The following CNTN5 variants were observed in gnomAD, a reference collection of about 807,000 sequenced individuals.
The protein encoded by CNTN5 is contactin-5.
A neutral mutation model predicts 129.1 loss-of-function variants in CNTN5; 77 were observed. That is an observed-to-expected ratio of 0.60 (90% CI 0.50 to 0.72). The LOEUF (loss-of-function observed/expected upper bound fraction) is 0.72. Among genes scored for constraint, CNTN5 ranks in the 30% least tolerant of loss-of-function variants. The pLI is 0.00. For synonymous variants in CNTN5, 509 were observed against 465.6 expected, an observed-to-expected ratio of 1.09 and a Z score of -1.20; for missense variants, 1,478 against 1,328.8, an observed-to-expected ratio of 1.11 and a Z score of -1.75.
At chr11:100,117,470 A>G (rs993616109) in intron 13 of CNTN5, among the ~76,000 whole-genome samples, 1 of 152,006 alleles carries the variant, frequency 6.6e-6, no homozygotes, top group Admixed American at 6.6e-5. Context: ...CTGGCCTGAT[A>G]GTATCTGTTG....
At chr11:99,401,907 T>A (rs1179285711) in intron 2 of CNTN5, among the ~76,000 whole-genome samples, 1 of 152,178 alleles carries the variant, frequency 6.6e-6, no homozygotes, top group Non-Finnish European at 1.5e-5. Flanking sequence ...TTGATTTTTG[T>A]ATATTGATTT....
At chr11:99,724,889 A>G (rs1362820838) in intron 3 of CNTN5, among the ~76,000 whole-genome samples, 1 of 152,204 alleles carries the variant, frequency 6.6e-6, no homozygotes, top group African/African-American at 2.4e-5. Flanking sequence ...AAAAAAATGT[A>G]AAGGACTCAG....
At chr11:99,481,578 T>G (rs1185888029) in intron 2 of CNTN5, among the ~76,000 whole-genome samples, 1 of 152,304 alleles carries the variant, frequency 6.6e-6, no homozygotes, top group Middle Eastern at 3.4e-3. Context: ...AGTAAAATAT[T>G]AAAACAACTT....
chr11:99,305,440 T>C (rs1455687370), intron 1 of CNTN5, among the ~76,000 whole-genome samples: 7 of 152,158 alleles, frequency 4.6e-5, no homozygotes, highest in African/African-American at 1.4e-4. Context: ...GGGAAATTGA[T>C]GCTTAAAATG....
intron 3 of CNTN5, among the ~76,000 whole-genome samples, chr11:99,623,034 C>G (rs1344224914): frequency 1.3e-5 from 2 of 152,084 alleles, no homozygotes; most frequent in Non-Finnish European, 2.9e-5. Context: ...GTAGCATTGC[C>G]TTCTTTGTTA....
At chr11:99,986,782 A>T (rs1386471284) in intron 8 of CNTN5, among the ~76,000 whole-genome samples, 1 of 152,172 alleles carries the variant, frequency 6.6e-6, no homozygotes, top group Non-Finnish European at 1.5e-5. Flanking sequence ...AATAACCACC[A>T]TTATTGCAAA....
At chr11:99,169,950 C>T (rs912046733) in intron 1 of CNTN5, among the ~76,000 whole-genome samples, 2 of 151,948 alleles carry the variant, frequency 1.3e-5, no homozygotes, top group African/African-American at 2.4e-5. Context: ...TAAAGAAAAG[C>T]TGTATAATGT....
chr11:99,954,182 GA>G (rs2136159484), intron 7 of CNTN5, among the ~76,000 whole-genome samples: 1 of 152,130 alleles, frequency 6.6e-6, no homozygotes, highest in African/African-American at 2.4e-5. Flanking sequence ...GAAAAATGGG[GA>G]AAAAAATTGA....
chr11:99,725,095 T>C (rs1943293634), intron 3 of CNTN5, among the ~76,000 whole-genome samples: 1 of 152,208 alleles, frequency 6.6e-6, no homozygotes. Context: ...CTGAATTTTC[T>C]AGTTGTGTAA....
intron 2 of CNTN5, among the ~76,000 whole-genome samples, chr11:99,473,377 T>A (rs1420100531): frequency 6.6e-6 from 1 of 152,178 alleles, no homozygotes; most frequent in Non-Finnish European, 1.5e-5. Context: ...AATTAAAATA[T>A]AGCTTAAAGC....
chr11:99,241,236 G>A (rs73532973), intron 1 of CNTN5, among the ~76,000 whole-genome samples: 2,571 of 150,134 alleles, frequency 0.017, 85 homozygotes, highest in African/African-American at 0.06. Context: ...AATACTGTCC[G>A]TAAAATGCCA....
At chr11:99,714,862 A>AAC (rs2134983809) in intron 3 of CNTN5, among the ~76,000 whole-genome samples, 1 of 151,640 alleles carries the variant, frequency 6.6e-6, no homozygotes, top group East Asian at 2.0e-4. Flanking sequence ...GGAAAAAAAA[A>AAC]AAACCTTGAA....
chr11:100,145,242 A>G (rs1383300810), intron 13 of CNTN5, among the ~76,000 whole-genome samples: 1 of 152,140 alleles, frequency 6.6e-6, no homozygotes, highest in Non-Finnish European at 1.5e-5. Flanking sequence ...ATTTAACACC[A>G]AACGAGTATT....
At chr11:100,299,032 C>T (rs765000734) in intron 19 of CNTN5, 130 bp from the exon 20 acceptor site, 1 of 582,884 alleles carries the variant, frequency 1.7e-6, no homozygotes, top group Non-Finnish European at 2.9e-6. Flanking sequence ...TTTTGGCTTC[C>T]AATGTAGTAT....
At chr11:99,990,477 C>T (rs1483183929) in intron 8 of CNTN5, among the ~76,000 whole-genome samples, 11 of 151,548 alleles carry the variant, frequency 7.3e-5, no homozygotes, top group Non-Finnish European at 2.9e-5. Context: ...CACACACACA[C>T]ACACACATAC....
intron 1 of CNTN5, among the ~76,000 whole-genome samples, chr11:99,044,278 CT>C (rs1373757833): frequency 6.6e-6 from 1 of 152,124 alleles, no homozygotes; most frequent in Admixed American, 6.5e-5. Flanking sequence ...TATTCTCCAA[CT>C]TTGGTAACTA....
chr11:100,227,594 C>G (rs1455090342), intron 16 of CNTN5, among the ~76,000 whole-genome samples: 1 of 152,168 alleles, frequency 6.6e-6, no homozygotes, highest in Non-Finnish European at 1.5e-5. Context: ...CATAAAGTCA[C>G]TTGCTTTCCC....
chr11:99,711,536 G>T (rs72985820), intron 3 of CNTN5, among the ~76,000 whole-genome samples: 2,362 of 151,670 alleles, frequency 0.016, 22 homozygotes, highest in Non-Finnish European at 0.022. Context: ...TAATGTGCAG[G>T]TTCGTTACAT....
intron 1 of CNTN5, among the ~76,000 whole-genome samples, chr11:99,139,501 A>T (rs1045907764): frequency 1.3e-5 from 2 of 152,208 alleles, no homozygotes; most frequent in South Asian, 2.1e-4. Context: ...TAAGCATTTT[A>T]AAAAATCAGT....
Sources: gnomAD v4.1 joint callset for allele counts (sites outside exome capture counted in the v4.1 genomes callset) on GRCh38, gnomAD v4.1.1 for gene constraint, MANE v1.5 for transcripts, NCBI Gene and HGNC (gene_info 2026-07-23, HGNC 2026-07-21) for gene names.